The following MFAP3 variants were observed in gnomAD, a reference collection of about 807,000 sequenced individuals.
The protein encoded by MFAP3 is microfibril-associated glycoprotein 3.
A neutral mutation model predicts 20.5 loss-of-function variants in MFAP3; 8 were observed. The observed-to-expected ratio is 0.39, with a 90% CI of 0.23 to 0.70. The LOEUF is 0.70. Ranked by LOEUF, MFAP3 falls within the 30% of genes least tolerant of loss-of-function variation. The pLI is 0.44. For synonymous variants in MFAP3, 140 were observed against 154.0 expected (o/e 0.91, Z 0.67); for missense variants, 398 against 444.6 (o/e 0.90, Z 0.94).
At chr5:154,050,107 T>C in intron 2 of MFAP3, 90 bp downstream of exon 2, 1 of 1,416,444 alleles carries the variant, frequency 7.1e-7, no homozygotes, top group Non-Finnish European at 9.5e-7. Flanking sequence ...GTCTCAAAGA[T>C]AAGGTGCCAA....
In MFAP3 at chr5:154,055,755, A is replaced by G. The variant is rs1773314894; in HGVS notation, c.*2042A>G. 6.6e-6 allele frequency among the ~76,000 whole-genome samples: 1 copy of G among 152,090 alleles called. No individual in the cohort carries two copies. ...CAAGCAGCTAGGACTACAGGTGTGC[A>G]CCACCTTTCCTGGCTAATTTTTTTT... On this transcript the variant is annotated 3_prime_UTR_variant, in exon 3 of 3. Coordinates refer to ENST00000522782, the MANE Select transcript of MFAP3 (RefSeq NM_005927.5).
chr5:154,054,775 C>T lies in MFAP3; in HGVS notation c.*1062C>T, dbSNP rs184653365. The stretch of plus-strand genomic sequence containing the variant: ...GTCTTAGGTATGGTGCTATAGGTTG[C>T]ATGCGTCTTTATCTTGTTTGTTTGG... On this transcript the variant is annotated 3_prime_UTR_variant, in exon 3 of 3. Coordinates refer to ENST00000522782, the MANE Select transcript of MFAP3 (RefSeq NM_005927.5). The T allele has an allele frequency of 1.7e-4, 28 of 167,194 alleles. No homozygotes were observed. The highest frequency in any genetic ancestry group is 6.3e-4 in the African/African-American group (26 of 41,568). 10.4% of individuals were successfully genotyped at this position (167,194 alleles called of 1,614,324 possible).
Position 154,053,083 on chromosome 5 carries a change from T to C in MFAP3, c.459T>C (p.Ile153=), listed in dbSNP as rs1294813796. 6.2e-7 allele frequency: 1 copy of C among 1,613,932 alleles called. No individual in the cohort carries two copies. Among genetic ancestry groups the C allele is most frequent in the Admixed American group, 1.7e-5 (1 of 59,960 alleles). ...TSGDMSVYYM[I]VCLIAFTITL... is the part of the protein sequence containing the mutation. ...GAGACATGAGTGTCTATTACATGAT[T>C]GTTTGCCTGATTGCCTTTACAATCA... Residue 153 remains isoleucine, a synonymous_variant, in exon 3 of 3, where the codon ATT becomes ATC. Transcript: ENST00000522782.
chr5:154,051,355 G>A (rs1003809884), intron 2 of MFAP3, among the ~76,000 whole-genome samples: 3 of 152,198 alleles, frequency 2.0e-5, no homozygotes, highest in Admixed American at 2.0e-4. Flanking sequence ...TGGAATGGCA[G>A]TTTTATTTTT....
At chr5:154,046,782 C>G (rs542957501) in intron 1 of MFAP3, among the ~76,000 whole-genome samples, 2 of 152,284 alleles carry the variant, frequency 1.3e-5, no homozygotes, top group East Asian at 3.9e-4. Context: ...AATCCATTTC[C>G]TTTCTTTCCA....
intron 1 of MFAP3, among the ~76,000 whole-genome samples, chr5:154,041,022 A>G (rs866911825): frequency 1.6e-4 from 25 of 152,112 alleles, no homozygotes; most frequent in African/African-American, 5.8e-4. Flanking sequence ...AGGTTTTTAG[A>G]CTCTATCATT....
In MFAP3 at chr5:154,056,526, C is replaced by T. The variant is rs2113572845; in HGVS notation, c.*2813C>T. On this transcript the variant is annotated 3_prime_UTR_variant, in exon 3 of 3. Coordinates refer to ENST00000522782, the MANE Select transcript of MFAP3 (RefSeq NM_005927.5). The stretch of plus-strand genomic sequence containing the variant: ...AACTATAGTGTAATTATCTTTTTGT[C>T]TCACTGGATTTTATAGTTAGTGGAA... 6.6e-6 allele frequency among the ~76,000 whole-genome samples: 1 copy of T among 152,164 alleles called. No homozygotes were observed. Among genetic ancestry groups the T allele is most frequent in the South Asian group, 2.1e-4 (1 of 4,828 alleles).
At position 154,054,529 on chromosome 5, in the gene MFAP3, G is replaced by A. The variant is rs967717658; in HGVS notation, c.*816G>A. The A allele has an allele frequency of 1.2e-5, 2 of 166,872 alleles. No homozygotes were observed. The highest frequency in any genetic ancestry group is 2.9e-5 in the Non-Finnish European group (2 of 68,096). 10.3% of individuals were successfully genotyped at this position (166,872 alleles called of 1,614,324 possible). ...TCCAAAGTGAGCAGTTTATTTCTAA[G>A]GTATAACGTCTTTGATGCTTTTAGA... is the stretch of plus-strand genomic sequence containing the variant. On this transcript the variant is annotated 3_prime_UTR_variant, in exon 3 of 3. Transcript: ENST00000522782.
rs141531912 is a variant in MFAP3 at position 154,045,459 on chromosome 5, T to C, written c.-166-4098T>C. Among the ~76,000 whole-genome samples the C allele has an allele frequency of 3.4e-3, 518 of 152,300 alleles. 7 individuals are homozygous for C. The highest frequency in any genetic ancestry group is 0.012 in the African/African-American group (491 of 41,556). ...ATTTAAGATTAAAACTGCATAATGG[T>C]GTCCCCTTCCCCCCAACCCCCAAGA... On this transcript the variant is annotated intron_variant, in intron 1 of 2. Transcript: ENST00000522782.
chr5:154,045,503 G>A (rs1773055046), intron 1 of MFAP3, among the ~76,000 whole-genome samples: 1 of 152,110 alleles, frequency 6.6e-6, no homozygotes, highest in Non-Finnish European at 1.5e-5. Flanking sequence ...TGGTTGCATG[G>A]TATTCTGAGT....
chr5:154,055,868 A>G lies in MFAP3; in HGVS notation c.*2155A>G, dbSNP rs1258816615. Among the ~76,000 whole-genome samples the G allele has an allele frequency of 6.6e-6, 1 of 152,046 alleles. No homozygotes were observed. On this transcript the variant is annotated 3_prime_UTR_variant, in exon 3 of 3. Transcript: ENST00000522782. ...AAATGATCCTCCTGCCTTACCTCCC[A>G]AAGTGTTGAGATTACAGGCATGAGC...
In MFAP3 at chr5:154,050,015, G is replaced by A. The variant is rs1581865264; in HGVS notation, c.293G>A (p.Arg98Lys). The change falls in exon 2 of 3, where the codon AGA becomes AAA. Residue 98 changes from arginine to lysine, a missense_variant and splice_region_variant. Arg to Lys is a conservative substitution (Grantham distance 26). Transcript: ENST00000522782. ...GGACAGCAACTGGATGGCAGAAGCA[G>A]AGGTAATTGGTCAGGGTATAATTAA... Reference protein sequence around the residue: ...SKGQQLDGRSRGGKWLVSDNF... With the variant: ...SKGQQLDGRSKGGKWLVSDNF... 6.2e-7 allele frequency: 1 copy of A among 1,601,676 alleles called. No homozygotes were observed.
Position 154,055,772 on chromosome 5 carries a change from A to AT in MFAP3, c.*2068dup, listed in dbSNP as rs947505335. Among the ~76,000 whole-genome samples, 14 of 151,284 alleles carry AT rather than the reference A, an allele frequency of 9.3e-5. No homozygotes were observed. Among genetic ancestry groups the AT allele is most frequent in the African/African-American group, 2.9e-4 (12 of 41,162 alleles). On this transcript the variant is annotated 3_prime_UTR_variant, in exon 3 of 3. Transcript: ENST00000522782. ...AGGTGTGCACCACCTTTCCTGGCTA[A>AT]TTTTTTTTTATTTTTTGTAGAGATG... is the stretch of plus-strand genomic sequence containing the variant.
intron 2 of MFAP3, 90 bp downstream of exon 2, chr5:154,050,107 T>A (rs1773153681): frequency 7.1e-7 from 1 of 1,416,326 alleles, no homozygotes; most frequent in African/African-American, 1.4e-5. Context: ...GTCTCAAAGA[T>A]AAGGTGCCAA....
At chr5:154,042,833 TAA>T (rs59322564) in intron 1 of MFAP3, among the ~76,000 whole-genome samples, 18 of 149,112 alleles carry the variant, frequency 1.2e-4, no homozygotes, top group African/African-American at 3.2e-4. Context: ...AATTGGAGTT[TAA>T]AAAAAAAAAA....
chr5:154,042,197 A>G (rs996941348), intron 1 of MFAP3, among the ~76,000 whole-genome samples: 4 of 152,234 alleles, frequency 2.6e-5, no homozygotes, highest in East Asian at 1.9e-4. Context: ...GAGATGTTTC[A>G]GACTATAGAG....
At position 154,053,998 on chromosome 5, in the gene MFAP3, A is replaced by G. The variant is rs1312982372; in HGVS notation, c.*285A>G. 9.2e-6 allele frequency: 3 copies of G among 325,030 alleles called. No homozygotes were observed. The highest frequency in any genetic ancestry group is 4.3e-5 in the African/African-American group (2 of 46,632). 20.1% of individuals were successfully genotyped at this position (325,030 alleles called of 1,614,324 possible). ...GGAAAAGCACTGAACTAAGAGTCCC[A>G]TGGTTTCTCTTCTGGTCACAGTTCT... On this transcript the variant is annotated 3_prime_UTR_variant, in exon 3 of 3. Transcript: ENST00000522782.
intron 1 of MFAP3, among the ~76,000 whole-genome samples, chr5:154,042,627 G>T (rs1231150565): frequency 6.6e-6 from 1 of 152,194 alleles, no homozygotes; most frequent in Admixed American, 6.5e-5. Context: ...GGGTAGGGTA[G>T]TGCTAACAAC....
chr5:154,048,218 C>T (rs1434199668), intron 1 of MFAP3, among the ~76,000 whole-genome samples: 1 of 152,014 alleles, frequency 6.6e-6, no homozygotes, highest in Non-Finnish European at 1.5e-5. Flanking sequence ...CCTTTTTGTG[C>T]GGTTTTAGGA....
Sources: gnomAD v4.1 joint callset for allele counts (sites outside exome capture counted in the v4.1 genomes callset) on GRCh38, gnomAD v4.1.1 for gene constraint, MANE v1.5 for transcripts, NCBI Gene and HGNC (gene_info 2026-07-23, HGNC 2026-07-21) for gene names.